Variants in KCNC3 observed in about 807,000 individuals in gnomAD.
KCNC3 encodes the protein potassium voltage-gated channel subfamily C member 3.
KCNC3 carries 22 observed loss-of-function variants against 43.9 expected under a neutral mutation model. The ratio of observed to expected loss-of-function variants is 0.50; its 90% CI spans 0.36 to 0.72. The LOEUF (loss-of-function observed/expected upper bound fraction) is 0.72. Ranked by LOEUF, KCNC3 falls within the 30% of genes least tolerant of loss-of-function variation. The probability of loss-of-function intolerance (pLI) is 0.00; values close to 1 mark genes in which losing one functional copy is unlikely to be tolerated. For synonymous variants in KCNC3, 492 were observed against 488.0 expected (o/e 1.01, Z -0.11); for missense variants, 829 against 1,073.8 (o/e 0.77, Z 3.19).
At chr19:50,316,344 TG>T (rs2036954092) in intron 4 of KCNC3, among the ~76,000 whole-genome samples, 1 of 138,346 alleles carries the variant, frequency 7.2e-6, no homozygotes, top group South Asian at 2.4e-4. Context: ...TGGGGAGGAG[TG>T]GGAGCCAGTG....
chr19:50,314,677 G>A lies in KCNC3; in HGVS notation c.*1438C>T. On this transcript the variant is annotated 3_prime_UTR_variant, in exon 5 of 5. Transcript: ENST00000477616. ...CTGTGGCCCCTCTCTCCATCCTGGG[G>A]GCCCAGGTTGGGGGTGAGGGGCCCG... is the stretch of plus-strand genomic sequence containing the variant. The A allele has an allele frequency of 5.1e-6, 2 of 391,192 alleles. No individual in the cohort carries two copies. The highest frequency in any genetic ancestry group is 3.6e-5 in the South Asian group (2 of 56,216). The allele number at this position is 391,192 out of a possible 1,614,324, so 24.2% of individuals were successfully genotyped here.
At chr19:50,320,543 A>C in intron 3 of KCNC3, 50 bp downstream of exon 3, 1 of 1,511,442 alleles carries the variant, frequency 6.6e-7, no homozygotes, top group Non-Finnish European at 9.1e-7. Flanking sequence ...TCCCCTGGGC[A>C]GGGGAGAGAG....
chr19:50,330,970 C>T (rs1397107419), upstream of KCNC3, among the ~76,000 whole-genome samples: 1 of 152,010 alleles, frequency 6.6e-6, no homozygotes, highest in African/African-American at 2.4e-5. Context: ...CAGGGGGCTG[C>T]GGGCGCCCTC....
In KCNC3 at chr19:50,324,424, G is replaced by GC. The variant is rs1320586962; in HGVS notation, c.871-343dup. 1.3e-5 allele frequency among the ~76,000 whole-genome samples: 2 copies of GC among 151,916 alleles called. No individual in the cohort carries two copies. On this transcript the variant is annotated intron_variant, in intron 1 of 4. Coordinates refer to ENST00000477616, the MANE Select transcript of KCNC3 (RefSeq NM_004977.3). This position sits in a 1 kb window ranked among gnomAD's most constrained non-coding sequence, Gnocchi z 4.1. Reference sequence around the variant, plus strand: ...CCTGTTCCCTGTGTCCTATTTCAGGGCCCCCCAGCAGGGTCCACGGGTTCT... The same window carrying GC: ...CCTGTTCCCTGTGTCCTATTTCAGGGCCCCCCCAGCAGGGTCCACGGGTTCT...
intron 1 of KCNC3, among the ~76,000 whole-genome samples, chr19:50,327,626 G>A (rs760000175): frequency 3.9e-5 from 6 of 152,058 alleles, no homozygotes; most frequent in Non-Finnish European, 7.4e-5. Context: ...CGGGCCACGG[G>A]GTGAATCGGG....
intron 1 of KCNC3, among the ~76,000 whole-genome samples, chr19:50,325,393 C>A (rs1028850603): frequency 5.9e-5 from 9 of 152,124 alleles, no homozygotes; most frequent in African/African-American, 1.4e-4. Context: ...ACAGAGAGGA[C>A]CTTGGACTTT....
At position 50,320,236 on chromosome 19, in the gene KCNC3, G is replaced by A; in HGVS notation, c.*10C>T. The A allele has an allele frequency of 1.7e-6, 1 of 575,472 alleles. No homozygotes were observed. The highest frequency in any genetic ancestry group is 2.6e-6 in the Non-Finnish European group (1 of 386,234). The allele number at this position is 575,472 out of a possible 1,614,324, so 35.6% of individuals were successfully genotyped here. A position where few individuals can be genotyped will look rare whatever the true frequency, so the allele number is the denominator to read the frequency against. ...GGGGCTACTTACCCCGGGGGGAGGGGGTTCGTCCACTAGGGGGATATCCAG... is the reference window on the plus strand; with the variant it reads ...GGGGCTACTTACCCCGGGGGGAGGGAGTTCGTCCACTAGGGGGATATCCAG... On this transcript the variant is annotated 3_prime_UTR_variant, in exon 4 of 5. Transcript: ENST00000477616.
rs774124577 is a variant in KCNC3 at position 50,320,326 on chromosome 19, G to A, written c.2194C>T (p.Pro732Ser). 2 of 418,012 alleles carry A rather than the reference G, an allele frequency of 4.8e-6. No individual in the cohort carries two copies. The highest frequency in any genetic ancestry group is 2.5e-5 in the South Asian group (1 of 40,388). The allele number at this position is 418,012 out of a possible 1,614,324, so 25.9% of individuals were successfully genotyped here. Residue 732 changes from proline (P) to serine (S), a missense_variant, in exon 4 of 5, where the codon CCC (proline) becomes TCC (serine). Pro to Ser is a moderately conservative substitution (Grantham distance 74). Coordinates refer to ENST00000477616, the MANE Select transcript of KCNC3 (RefSeq NM_004977.3). ...RKATGAPPLP[P>S]QDWRKPGPPS... ...GGGCCTGGCTTACGCCAGTCTTGGG[G>A]GGGCAGTGGGGGAGCACCAGTGGCT...
Position 50,314,965 on chromosome 19 carries a change from G to A in KCNC3, c.*1150C>T, listed in dbSNP as rs375949432. ...ACACCCCGCTCAGGCCCGCGATGCT[G>A]CTGAGGCTGCGGGATTTCTCGTAAC... On this transcript the variant is annotated 3_prime_UTR_variant, in exon 5 of 5. Coordinates refer to ENST00000477616, the MANE Select transcript of KCNC3 (RefSeq NM_004977.3). The A allele has an allele frequency of 3.5e-6, 1 of 288,594 alleles. No homozygotes were observed. The highest frequency in any genetic ancestry group is 6.8e-6 in the Non-Finnish European group (1 of 147,798). The allele number at this position is 288,594 out of a possible 1,614,324, so 17.9% of individuals were successfully genotyped here.
intron 1 of KCNC3, among the ~76,000 whole-genome samples, chr19:50,327,860 T>G: frequency 1.4e-5 from 2 of 147,068 alleles, no homozygotes; most frequent in African/African-American, 5.1e-5. Flanking sequence ...TTGGGGAGGG[T>G]CTCAGAGGAG....
At chr19:50,333,035 C>T (rs940727624), upstream of KCNC3, among the ~76,000 whole-genome samples, 3 of 152,308 alleles carry the variant, frequency 2.0e-5, no homozygotes, top group African/African-American at 7.2e-5. Context: ...TAAAACCCTC[C>T]AAGTACCTTG....
chr19:50,323,969 C>T lies in KCNC3; in HGVS notation c.984G>A (p.Pro328=), dbSNP rs114192110. The change falls in exon 2 of 5, where the codon CCG becomes CCA. Residue 328 remains proline, a synonymous_variant. Transcript: ENST00000477616. ...TGTTCTCCGGAGGTGCCCCGGGGAT[C>T]GGGGAGGCCTGGGTCACCGTCTTGT... is the stretch of plus-strand genomic sequence containing the variant. ...ISNKTVTQAS[P]IPGAPPENIT... is the part of the protein sequence containing the mutation. 7.7e-4 allele frequency: 1,236 copies of T among 1,613,462 alleles called. 19 individuals carry two copies. In the African/African-American group the frequency reaches 0.015, roughly 19 times the overall value.
chr19:50,319,706 G>A (rs73062508), intron 4 of KCNC3, among the ~76,000 whole-genome samples: 4,072 of 152,160 alleles, frequency 0.027, 105 homozygotes, highest in African/African-American at 0.067. Flanking sequence ...TTCTAGGTCC[G>A]TGTCTGCCTC....
At position 50,320,274 on chromosome 19, in the gene KCNC3, G is replaced by A; in HGVS notation, c.2246C>T (p.Ala749Val). Residue 749 changes from alanine to valine, a missense_variant, in exon 4 of 5, where the codon GCC becomes GTC. Ala to Val is a moderately conservative substitution (Grantham distance 64). Coordinates refer to ENST00000477616, the MANE Select transcript of KCNC3 (RefSeq NM_004977.3). ...GPPSFLPDLN[A>V]NAAAWISP is the part of the protein sequence containing the mutation. ...GGGGGATATCCAGGCCGCGGCGTTG[G>A]CGTTGAGGTCGGGCAAGAAGCTTGG... 1 of 1,079,774 alleles carries A rather than the reference G, an allele frequency of 9.3e-7. No homozygotes were observed. The highest frequency in any genetic ancestry group is 1.2e-6 in the Non-Finnish European group (1 of 812,346). 66.9% of individuals were successfully genotyped at this position (1,079,774 alleles called of 1,614,324 possible).
Position 50,328,303 on chromosome 19 carries a change from G to GC in KCNC3, c.779dup (p.Ala261ArgfsTer53). On this transcript the variant is annotated frameshift_variant, in exon 1 of 5. Coordinates refer to ENST00000477616, the MANE Select transcript of KCNC3 (RefSeq NM_004977.3). LOFTEE classifies it high-confidence loss of function. Reference sequence around the variant, plus strand: ...ACCATGTGCCGCCCGCGCCGCCCGCGCCCCCTGGCGGCCCCCCGGCGCCGC... The same window carrying GC: ...ACCATGTGCCGCCCGCGCCGCCCGCGCCCCCCTGGCGGCCCCCCGGCGCCGC... The GC allele has an allele frequency of 1.7e-6, 2 of 1,148,476 alleles. No homozygotes were observed. Among genetic ancestry groups the GC allele is most frequent in the Non-Finnish European group, 1.1e-6 (1 of 938,434 alleles). The allele number at this position is 1,148,476 out of a possible 1,614,324, so 71.1% of individuals were successfully genotyped here. A position where few individuals can be genotyped will look rare whatever the true frequency, so the allele number is the denominator to read the frequency against.
chr19:50,323,735 G>A lies in KCNC3; in HGVS notation c.1218C>T (p.Ala406=). The A allele has an allele frequency of 6.2e-7, 1 of 1,614,230 alleles. No homozygotes were observed. The highest frequency in any genetic ancestry group is 8.5e-7 in the Non-Finnish European group (1 of 1,180,042). The part of the protein sequence containing the change: ...VGLSGLSSKA[A]KDVLGFLRVV... ...CCCGCAGGAAGCCCAGCACGTCTTT[G>A]GCGGCCTTGGAGCTGAGGCCCGAGA... The change falls in exon 2 of 5, where the codon GCC becomes GCT. Residue 406 remains alanine, a synonymous_variant. Coordinates refer to ENST00000477616, the MANE Select transcript of KCNC3 (RefSeq NM_004977.3).
chr19:50,313,441 TG>T lies in KCNC3; in HGVS notation c.*2673del, dbSNP rs2123510905. ...TTAGAGACAAAACTTTTAAAACAAGTGTTTGTCCTCATACTGCCTCAAACCT... is the reference window on the plus strand; with the variant it reads ...TTAGAGACAAAACTTTTAAAACAAGTTTTGTCCTCATACTGCCTCAAACCT... On this transcript the variant is annotated 3_prime_UTR_variant, in exon 5 of 5. Coordinates refer to ENST00000477616, the MANE Select transcript of KCNC3 (RefSeq NM_004977.3). 1 of 152,292 alleles carries T rather than the reference TG, an allele frequency of 6.6e-6. No individual in the cohort carries two copies. The highest frequency in any genetic ancestry group is 1.9e-4 in the East Asian group (1 of 5,180). 9.4% of individuals were successfully genotyped at this position (152,292 alleles called of 1,614,324 possible).
chr19:50,323,257 G>C lies in KCNC3; in HGVS notation c.1696C>G (p.Pro566Ala). 1 of 1,602,614 alleles carries C rather than the reference G, an allele frequency of 6.2e-7. No individual in the cohort carries two copies. Among genetic ancestry groups the C allele is most frequent in the Admixed American group, 1.7e-5 (1 of 59,836 alleles). ...TAGTTGGGCGAGCCCGGTTGCGGGG[G>C]CCGGGGGATGTGTTTGTTCTTCTTC... ...PKKKNKHIPR[P>A]PQPGSPNYCK... Residue 566 changes from proline to alanine, a missense_variant, in exon 2 of 5, where the codon CCC (proline) becomes GCC (alanine). This residue lies in a region of KCNC3 where 308 missense variants were observed against 276.2 expected (regional missense o/e 1.11). Transcript: ENST00000477616.
chr19:50,317,179 G>A (rs2036967457), intron 4 of KCNC3, among the ~76,000 whole-genome samples: 1 of 151,682 alleles, frequency 6.6e-6, no homozygotes, highest in South Asian at 2.1e-4. Context: ...GGAGTGGGGG[G>A]GTAATGAGCT....
Sources: gnomAD v4.1 joint callset for allele counts (sites outside exome capture counted in the v4.1 genomes callset) on GRCh38, gnomAD v4.1.1 for gene constraint, gnomAD v4.1.1 regional missense constraint, Gnocchi (gnomAD v3.1) non-coding constraint, MANE v1.5 for transcripts, NCBI Gene and HGNC (gene_info 2026-07-23, HGNC 2026-07-21) for gene names.